Variants in CHAT observed in about 807,000 individuals in gnomAD.
CHAT encodes choline O-acetyltransferase.
A neutral mutation model predicts 76.9 loss-of-function variants in CHAT; 61 were observed. The observed-to-expected ratio is 0.79, with a 90% CI of 0.65 to 0.98. The LOEUF is 0.98. Among genes scored for constraint, CHAT ranks in the 50% least tolerant of loss-of-function variants. The probability of loss-of-function intolerance (pLI) is 0.00; values close to 1 mark genes in which losing one functional copy is unlikely to be tolerated. For synonymous variants in CHAT, 407 were observed against 397.4 expected (o/e 1.02, Z -0.29); for missense variants, 946 against 986.9 (o/e 0.96, Z 0.56).
chr10:49,648,214 G>A (rs555332905), intron 8 of CHAT, among the ~76,000 whole-genome samples: 98 of 152,300 alleles, frequency 6.4e-4, no homozygotes, highest in African/African-American at 2.1e-3. Context: ...GGGCAGACTC[G>A]TCCTGAGGAT....
chr10:49,611,481 G>T (rs945290522), upstream of CHAT: 3 of 1,599,644 alleles, frequency 1.9e-6, no homozygotes, highest in Admixed American at 5.0e-5. Context: ...CCTTCTTGGT[G>T]CTAGCTGCCG....
rs370918939 is a variant in CHAT, at chr10:49,649,508, G to A, written c.1383G>A (p.Val461=). 5.0e-6 allele frequency: 8 copies of A among 1,613,842 alleles called. No homozygotes were observed. Among genetic ancestry groups the A allele is most frequent in the Middle Eastern group, 1.7e-4 (1 of 6,060 alleles). ...VQCTEHLLKH[V]TQSSRKLIRA... is the part of the protein sequence containing the mutation. ...CAGGAGGTTGCCTCTGTGCCCGCAG[G>A]ACGCAGAGCAGCAGGAAGCTGATCC... Residue 461 remains valine, a splice_region_variant and synonymous_variant, in exon 10 of 15, where the codon GTG becomes GTA. Coordinates refer to ENST00000337653, the MANE Select transcript of CHAT (RefSeq NM_020549.5).
intron 7 of CHAT, among the ~76,000 whole-genome samples, chr10:49,645,656 C>T (rs559535171): frequency 1.9e-3 from 292 of 152,268 alleles, no homozygotes; most frequent in Middle Eastern, 6.8e-3. Flanking sequence ...CTGGGAGGAA[C>T]GCATGTGTCC....
intron 5 of CHAT, 113 bp downstream of exon 5, chr10:49,622,263 C>T: frequency 8.6e-7 from 1 of 1,156,986 alleles, no homozygotes; most frequent in Admixed American, 1.7e-5. Flanking sequence ...GCTCCTGGCA[C>T]AGAGCAGATG....
chr10:49,614,035 G>A (rs1838376284), upstream of CHAT: 1 of 1,360,308 alleles, frequency 7.4e-7, no homozygotes, highest in Non-Finnish European at 1.0e-6. Context: ...GCGGTGACTG[G>A]GAAATGCTGA....
intron 7 of CHAT, among the ~76,000 whole-genome samples, chr10:49,632,851 G>A (rs1009981077): frequency 6.6e-6 from 1 of 152,196 alleles, no homozygotes; most frequent in African/African-American, 2.4e-5. Flanking sequence ...GGGACTGCCA[G>A]GGTGGCACAG....
At chr10:49,632,487 C>T (rs183392090) in intron 7 of CHAT, among the ~76,000 whole-genome samples, 3 of 152,240 alleles carry the variant, frequency 2.0e-5, no homozygotes, top group Non-Finnish European at 2.9e-5. Flanking sequence ...TAAGATCCTG[C>T]CCCCACTTCC....
At chr10:49,648,387 G>A (rs1839749803) in intron 8 of CHAT, 120 bp from the exon 9 acceptor site, 2 of 723,846 alleles carry the variant, frequency 2.8e-6, no homozygotes, top group African/African-American at 3.5e-5. Flanking sequence ...AGGAAATAAT[G>A]TGCTCTGGTG....
At chr10:49,618,714 A>G (rs1838587820) in intron 2 of CHAT, among the ~76,000 whole-genome samples, 1 of 152,204 alleles carries the variant, frequency 6.6e-6, no homozygotes, top group African/African-American at 2.4e-5. Flanking sequence ...TGGTGAACTG[A>G]GAGGCACAGC....
intron 1 of CHAT, among the ~76,000 whole-genome samples, chr10:49,614,829 T>A: frequency 6.6e-6 from 1 of 152,118 alleles, no homozygotes; most frequent in East Asian, 1.9e-4. Flanking sequence ...CAACCGCTTC[T>A]CCCGGGAGCA....
intron 10 of CHAT, among the ~76,000 whole-genome samples, chr10:49,650,665 T>A (rs1437991697): frequency 1.3e-5 from 2 of 152,162 alleles, no homozygotes; most frequent in African/African-American, 4.8e-5. Context: ...GAGCCTGCCC[T>A]GCCACTGGAG....
At chr10:49,610,871 T>TA, upstream of CHAT, 1 of 1,613,180 alleles carries the variant, frequency 6.2e-7, no homozygotes, top group Non-Finnish European at 8.5e-7. Flanking sequence ...GTGGCGCTGT[T>TA]ACTGGACAAC....
intron 7 of CHAT, among the ~76,000 whole-genome samples, chr10:49,628,961 T>C (rs1196457180): frequency 6.6e-6 from 1 of 152,248 alleles, no homozygotes; most frequent in East Asian, 1.9e-4. Flanking sequence ...AGAAGGGTCT[T>C]CCCCCAGATC....
At chr10:49,638,389 C>T (rs1286026392) in intron 7 of CHAT, among the ~76,000 whole-genome samples, 2 of 152,200 alleles carry the variant, frequency 1.3e-5, no homozygotes, top group Middle Eastern at 3.4e-3. Context: ...TCGTATATTC[C>T]ATCAATCTCT....
At chr10:49,638,504 G>A (rs1165533509) in intron 7 of CHAT, among the ~76,000 whole-genome samples, 1 of 151,970 alleles carries the variant, frequency 6.6e-6, no homozygotes, top group Non-Finnish European at 1.5e-5. Context: ...TTCAATTATT[G>A]TTCTCTTTCT....
chr10:49,629,048 A>G (rs1012442003), intron 7 of CHAT, among the ~76,000 whole-genome samples: 13 of 152,048 alleles, frequency 8.5e-5, no homozygotes, highest in African/African-American at 3.1e-4. Context: ...CTTCCCGCAC[A>G]CTCTGTCACT....
intron 10 of CHAT, among the ~76,000 whole-genome samples, chr10:49,649,879 T>A (rs11101195): frequency 1.7e-3 from 78 of 45,446 alleles, no homozygotes; most frequent in South Asian, 4.9e-3. Flanking sequence ...TTTTTTTTTT[T>A]TTTTTTTTTT....
chr10:49,623,312 A>G (rs536939521), intron 5 of CHAT, among the ~76,000 whole-genome samples: 10 of 152,172 alleles, frequency 6.6e-5, no homozygotes, highest in African/African-American at 2.2e-4. Context: ...AGACTTTCAC[A>G]TGTGTGTGCA....
chr10:49,611,675 T>C, upstream of CHAT: 1 of 1,611,204 alleles, frequency 6.2e-7, no homozygotes, highest in East Asian at 2.2e-5. Context: ...GAACCCACCA[T>C]TGCCACGTGG....
Sources: gnomAD v4.1 joint callset for allele counts (sites outside exome capture counted in the v4.1 genomes callset) on GRCh38, gnomAD v4.1.1 for gene constraint, MANE v1.5 for transcripts, NCBI Gene and HGNC (gene_info 2026-07-23, HGNC 2026-07-21) for gene names.